ARHGEF18: variants seen among roughly 807,000 people sequenced by gnomAD.
ARHGEF18 encodes Rho/Rac guanine nucleotide exchange factor 18.
Under a neutral mutation model 155.7 loss-of-function variants are expected in ARHGEF18, and 93 were observed. That is an observed-to-expected ratio of 0.60 (90% confidence interval 0.50 to 0.71). The LOEUF is 0.71. ARHGEF18 is among the 30% of genes least tolerant of loss of function. ARHGEF18 has a pLI of 0.00. For missense variants in ARHGEF18, 1,593 were observed against 1,816.1 expected (o/e 0.88, Z 2.23); for synonymous variants, 742 against 753.1 (o/e 0.99, Z 0.24).
rs369295725 is a variant in ARHGEF18 at position 7,385,665 on chromosome 19, A to G, written c.967+2462A>G. On this transcript the variant is annotated intron_variant, in intron 10 of 28. Coordinates refer to ENST00000668164, the MANE Select transcript of ARHGEF18 (RefSeq NM_001367823.1). ...TAATTTTTGTATTTTTAGTAGAAAC[A>G]GGGTTTCACCATGTTGGCCAGGCTG... is the stretch of plus-strand genomic sequence containing the variant. 1.9e-4 allele frequency among the ~76,000 whole-genome samples: 29 copies of G among 151,592 alleles called. 1 individual carries two copies. The East Asian group carries it at 5.3e-3, about 28-fold the overall frequency.
chr19:7,460,555 C>A (rs960054275), intron 20 of ARHGEF18, among the ~76,000 whole-genome samples: 1 of 152,052 alleles, frequency 6.6e-6, no homozygotes, highest in Admixed American at 6.6e-5. Flanking sequence ...CTCCCCACCC[C>A]ATGCCCCAAC....
rs147266069 is a variant in ARHGEF18 at position 7,436,983 on chromosome 19, T to G, written c.968-3361T>G. Reference sequence around the variant, plus strand: ...TTGCTGTGCTGGGCTGTGGAAAGAATGAACAGCTACTGAGTATATGTGCAA... The same window carrying G: ...TTGCTGTGCTGGGCTGTGGAAAGAAGGAACAGCTACTGAGTATATGTGCAA... On this transcript the variant is annotated intron_variant, in intron 10 of 28. Transcript: ENST00000668164. Among the ~76,000 whole-genome samples, 21 of 152,332 alleles carry G rather than the reference T, an allele frequency of 1.4e-4. No individual in the cohort carries two copies. The East Asian group carries it at 3.7e-3, about 27-fold the overall frequency.
At chr19:7,450,703 C>T (rs12983294) in intron 15 of ARHGEF18, among the ~76,000 whole-genome samples, 5,684 of 108,708 alleles carry the variant, frequency 0.052, 2 homozygotes, top group Middle Eastern at 0.098. Context: ...TGTCCGTTTC[C>T]GAGATGTTAA....
At chr19:7,405,330 TG>T (rs1972247929) in intron 10 of ARHGEF18, among the ~76,000 whole-genome samples, 1 of 152,218 alleles carries the variant, frequency 6.6e-6, no homozygotes, top group Non-Finnish European at 1.5e-5. Context: ...ACACCCTCCG[TG>T]GTCACGTGGC....
chr19:7,397,781 C>G (rs554906943), intron 10 of ARHGEF18, among the ~76,000 whole-genome samples: 25 of 152,042 alleles, frequency 1.6e-4, no homozygotes, highest in Non-Finnish European at 3.1e-4. Flanking sequence ...GTTGCCCAGG[C>G]TGGTCTTGAA....
In ARHGEF18 at chr19:7,395,308, C is replaced by T. The variant is rs907469137; in HGVS notation, c.967+12105C>T. On this transcript the variant is annotated intron_variant, in intron 10 of 28. Transcript: ENST00000668164. The surrounding 1 kb of genome is among the most constrained non-coding windows in gnomAD (Gnocchi z 5.0). ...GGGCTCAGGAGGGGGCCCTCGGTCT[C>T]TTCAGGGGGTGGCCTGGGGCGCGGG... The T allele has an allele frequency of 1.0e-6, 1 of 985,642 alleles. No homozygotes were observed. Among genetic ancestry groups the T allele is most frequent in the East Asian group, 1.1e-4 (1 of 8,828 alleles). 61.1% of individuals were successfully genotyped at this position (985,642 alleles called of 1,614,324 possible).
At chr19:7,356,402 T>C (rs1969307968) in intron 1 of ARHGEF18, among the ~76,000 whole-genome samples, 1 of 151,536 alleles carries the variant, frequency 6.6e-6, no homozygotes, top group African/African-American at 2.4e-5. Flanking sequence ...GCCTTTCGGG[T>C]AGCTGGAATT....
At chr19:7,439,608 C>A in intron 10 of ARHGEF18, 1 of 976,734 alleles carries the variant, frequency 1.0e-6, no homozygotes, top group Non-Finnish European at 1.2e-6. Context: ...GGTTTATAAT[C>A]ACCATATGGA....
At chr19:7,375,620 G>A in intron 3 of ARHGEF18, 100 bp from the exon 4 acceptor site, 1 of 1,159,648 alleles carries the variant, frequency 8.6e-7, no homozygotes, top group Non-Finnish European at 1.1e-6. Flanking sequence ...TGTCCTGGAA[G>A]GGCCCCCTTG....
intron 2 of ARHGEF18, among the ~76,000 whole-genome samples, chr19:7,372,427 G>A (rs1273311855): frequency 1.3e-5 from 2 of 150,940 alleles, no homozygotes; most frequent in Admixed American, 1.3e-4. Flanking sequence ...AAGGACAAAA[G>A]AAGGGAAGGA....
chr19:7,416,924 T>G (rs991502977), intron 10 of ARHGEF18, among the ~76,000 whole-genome samples: 12 of 151,626 alleles, frequency 7.9e-5, no homozygotes, highest in Non-Finnish European at 1.3e-4. Context: ...TGTTGTTGTT[T>G]TTTGAGATGG....
In ARHGEF18 at chr19:7,472,125, G is replaced by A. The variant is rs1977062003; in HGVS notation, c.*1827G>A. On this transcript the variant is annotated 3_prime_UTR_variant, in exon 29 of 29. Transcript: ENST00000668164. ...CCGAGATGCCACAATTCCTTGGATG[G>A]GGGAGAAGTTCAAGGAATTTCTGCT... 1 of 152,392 alleles carries A rather than the reference G, an allele frequency of 6.6e-6. No homozygotes were observed. Among genetic ancestry groups the A allele is most frequent in the Non-Finnish European group, 1.5e-5 (1 of 68,044 alleles). The allele number at this position is 152,392 out of a possible 1,614,324, so 9.4% of individuals were successfully genotyped here.
chr19:7,466,170 G>A (rs1976593466), intron 23 of ARHGEF18, among the ~76,000 whole-genome samples: 1 of 151,228 alleles, frequency 6.6e-6, no homozygotes, highest in African/African-American at 2.4e-5. Context: ...GATCACCTGA[G>A]GTCAGGAATT....
Position 7,373,067 on chromosome 19 carries a change from C to G in ARHGEF18, c.271C>G (p.Arg91Gly). 8.1e-7 allele frequency: 1 copy of G among 1,234,512 alleles called. No homozygotes were observed. Among genetic ancestry groups the G allele is most frequent in the Non-Finnish European group, 1.0e-6 (1 of 988,290 alleles). 76.5% of individuals were successfully genotyped at this position (1,234,512 alleles called of 1,614,324 possible). ...ERSRSCSESWRRLSLDASAVD... is the reference protein window; with the variant it reads ...ERSRSCSESWGRLSLDASAVD... ...GTCGCGGAGCTGCTCAGAGAGCTGGCGGAGGTCAGTTCCCCACTGCTGCCT... is the reference window on the plus strand; with the variant it reads ...GTCGCGGAGCTGCTCAGAGAGCTGGGGGAGGTCAGTTCCCCACTGCTGCCT... Residue 91 changes from arginine (R) to glycine (G), a missense_variant, in exon 3 of 29, where the codon CGG (arginine) becomes GGG (glycine). Physicochemically the swap from Arg to Gly is moderately radical, Grantham distance 125 (BLOSUM62 -2). Coordinates refer to ENST00000668164, the MANE Select transcript of ARHGEF18 (RefSeq NM_001367823.1).
rs1014999234 is a variant in ARHGEF18, at chr19:7,379,168, T to A, written c.644+2T>A. Reference sequence around the variant, plus strand: ...TCAAGAACTTCGACAGTACCATGGGTAAGTGGGAATCGGGACAGGCTTGAG... The same window carrying A: ...TCAAGAACTTCGACAGTACCATGGGAAAGTGGGAATCGGGACAGGCTTGAG... On this transcript the variant is annotated splice_donor_variant, in intron 7 of 28. Coordinates refer to ENST00000668164, the MANE Select transcript of ARHGEF18 (RefSeq NM_001367823.1). LOFTEE classifies it high-confidence loss of function. The A allele has an allele frequency of 2.4e-6, 3 of 1,232,404 alleles. No homozygotes were observed. The highest frequency in any genetic ancestry group is 8.4e-5 in the Admixed American group (2 of 23,684). The allele number at this position is 1,232,404 out of a possible 1,614,324, so 76.3% of individuals were successfully genotyped here.
intron 17 of ARHGEF18, among the ~76,000 whole-genome samples, chr19:7,455,498 A>G (rs986973024): frequency 4.6e-5 from 7 of 152,176 alleles, no homozygotes; most frequent in African/African-American, 1.7e-4. Flanking sequence ...AGGTTCATAC[A>G]GGGACAAGGC....
intron 10 of ARHGEF18, among the ~76,000 whole-genome samples, chr19:7,418,004 G>C (rs10409371): frequency 6.6e-6 from 1 of 152,038 alleles, no homozygotes; most frequent in Non-Finnish European, 1.5e-5. Flanking sequence ...ATAGTTTGCC[G>C]ACCATTCTTG....
Position 7,470,496 on chromosome 19 carries a change from C to G in ARHGEF18, c.*198C>G. 1 of 443,662 alleles carries G rather than the reference C, an allele frequency of 2.3e-6. No homozygotes were observed. The highest frequency in any genetic ancestry group is 3.7e-6 in the Non-Finnish European group (1 of 269,200). The allele number at this position is 443,662 out of a possible 1,614,324, so 27.5% of individuals were successfully genotyped here. On this transcript the variant is annotated 3_prime_UTR_variant, in exon 29 of 29. Coordinates refer to ENST00000668164, the MANE Select transcript of ARHGEF18 (RefSeq NM_001367823.1). The surrounding 1 kb of genome is among the most constrained non-coding windows in gnomAD (Gnocchi z 5.9). ...GTTTCTGTAGGGTTAGCGGTGGTGC[C>G]GGGGTCACTTTCTGAATCTCTTTTT...
intron 10 of ARHGEF18, among the ~76,000 whole-genome samples, chr19:7,386,216 C>T (rs1462889161): frequency 7.2e-5 from 10 of 139,496 alleles, no homozygotes; most frequent in East Asian, 2.1e-4. Flanking sequence ...TTTGTAGAGA[C>T]GGGCTCTTGC....
Sources: allele counts gnomAD v4.1 joint callset (sites outside exome capture counted in the v4.1 genomes callset), GRCh38; gene constraint gnomAD v4.1.1; non-coding constraint Gnocchi (gnomAD v3.1); transcripts MANE v1.5; gene names NCBI Gene and HGNC (gene_info 2026-07-23, HGNC 2026-07-21).